The following ST6GALNAC3 variants were observed in gnomAD, a reference collection of about 807,000 sequenced individuals.
The protein encoded by ST6GALNAC3 is ST6 N-acetylgalactosaminide alpha-2,6-sialyltransferase 3.
In ST6GALNAC3, 25 loss-of-function variants were observed where a neutral mutation model predicts 32.7. The observed-to-expected ratio is 0.76, with a 90% confidence interval of 0.56 to 1.07. The LOEUF (loss-of-function observed/expected upper bound fraction) is 1.07, where lower values mean the gene tolerates loss of function less well. Ranked by LOEUF, ST6GALNAC3 falls within the 50% of genes least tolerant of loss-of-function variation. The pLI is 0.00. For synonymous variants in ST6GALNAC3, 129 were observed against 133.1 expected (o/e 0.97, Z 0.21); for missense variants, 355 against 382.4 (o/e 0.93, Z 0.60).
At chr1:76,296,260 T>C (rs1032872376) in intron 1 of ST6GALNAC3, among the ~76,000 whole-genome samples, 2 of 152,082 alleles carry the variant, frequency 1.3e-5, no homozygotes, top group Admixed American at 6.6e-5. Flanking sequence ...CAAAGCAAAC[T>C]TCTTGGGAAG....
intron 3 of ST6GALNAC3, among the ~76,000 whole-genome samples, chr1:76,556,827 T>G (rs1570257034): frequency 6.6e-6 from 1 of 152,162 alleles, no homozygotes; most frequent in African/African-American, 2.4e-5. Flanking sequence ...GGCTATCTTT[T>G]CACTTTCTTG....
chr1:76,522,498 C>T (rs1662608788), intron 3 of ST6GALNAC3, among the ~76,000 whole-genome samples: 2 of 151,988 alleles, frequency 1.3e-5, no homozygotes, highest in Non-Finnish European at 2.9e-5. Flanking sequence ...CCACTTGGGT[C>T]TTTTCTATTG....
chr1:76,279,648 C>T (rs527297037), intron 1 of ST6GALNAC3, among the ~76,000 whole-genome samples: 2 of 152,270 alleles, frequency 1.3e-5, no homozygotes, highest in South Asian at 4.1e-4. Flanking sequence ...GGAGTCGTGT[C>T]TGCCGGCAGC....
At chr1:76,123,405 A>G (rs376548748) in intron 1 of ST6GALNAC3, among the ~76,000 whole-genome samples, 2 of 150,754 alleles carry the variant, frequency 1.3e-5, no homozygotes, top group Admixed American at 6.6e-5. Flanking sequence ...AAGCTTTGCT[A>G]TAGGGAAAGT....
At chr1:76,167,913 T>C (rs1338738028) in intron 1 of ST6GALNAC3, among the ~76,000 whole-genome samples, 7 of 151,866 alleles carry the variant, frequency 4.6e-5, no homozygotes, top group Non-Finnish European at 1.0e-4. Flanking sequence ...GTATGTCTGT[T>C]TTATTAATTT....
intron 1 of ST6GALNAC3, among the ~76,000 whole-genome samples, chr1:76,232,789 G>T (rs1188865718): frequency 1.3e-5 from 2 of 152,220 alleles, no homozygotes; most frequent in Non-Finnish European, 2.9e-5. Flanking sequence ...CTTGACTTGA[G>T]CGTTAAAGCG....
chr1:76,142,192 T>A (rs959320419), intron 1 of ST6GALNAC3, among the ~76,000 whole-genome samples: 1 of 152,112 alleles, frequency 6.6e-6, no homozygotes, highest in Non-Finnish European at 1.5e-5. Context: ...CCATCTTTGT[T>A]AGGGCAGCAG....
intron 3 of ST6GALNAC3, among the ~76,000 whole-genome samples, chr1:76,556,101 T>C (rs960826141): frequency 7.2e-5 from 11 of 152,236 alleles, no homozygotes; most frequent in African/African-American, 2.6e-4. Context: ...CTATTCCGGA[T>C]ACTCCATACA....
chr1:76,262,027 C>G (rs1658268716), intron 1 of ST6GALNAC3, among the ~76,000 whole-genome samples: 1 of 152,176 alleles, frequency 6.6e-6, no homozygotes, highest in African/African-American at 2.4e-5. Context: ...CTCACCCTTT[C>G]ATTTGCCGAA....
At chr1:76,622,101 C>T (rs973143583) in intron 3 of ST6GALNAC3, among the ~76,000 whole-genome samples, 16 of 151,850 alleles carry the variant, frequency 1.1e-4, no homozygotes, top group African/African-American at 3.9e-4. Flanking sequence ...GCTTTGAGTG[C>T]CTGAGGCTTG....
At chr1:76,541,287 A>C (rs950817573) in intron 3 of ST6GALNAC3, among the ~76,000 whole-genome samples, 8 of 152,062 alleles carry the variant, frequency 5.3e-5, no homozygotes, top group Non-Finnish European at 1.2e-4. Flanking sequence ...GGAGTATGGA[A>C]CGTGGATCCA....
chr1:76,156,781 G>A (rs903830561), intron 1 of ST6GALNAC3, among the ~76,000 whole-genome samples: 1 of 152,194 alleles, frequency 6.6e-6, no homozygotes, highest in Non-Finnish European at 1.5e-5. Flanking sequence ...GCCCAGGCTG[G>A]AGTACAGTGG....
intron 1 of ST6GALNAC3, among the ~76,000 whole-genome samples, chr1:76,110,649 G>A (rs405932): frequency 6.6e-6 from 1 of 152,228 alleles, no homozygotes. Flanking sequence ...AAAGGAGCAG[G>A]CTGTGTAGAC....
intron 1 of ST6GALNAC3, among the ~76,000 whole-genome samples, chr1:76,250,565 G>A (rs750416503): frequency 6.6e-6 from 1 of 152,166 alleles, no homozygotes; most frequent in Non-Finnish European, 1.5e-5. Flanking sequence ...ATTTGCAGAG[G>A]TGAAAGAGAA....
At chr1:76,493,373 A>G (rs1232757803) in intron 3 of ST6GALNAC3, among the ~76,000 whole-genome samples, 1 of 152,216 alleles carries the variant, frequency 6.6e-6, no homozygotes, top group Non-Finnish European at 1.5e-5. Context: ...AGAGGATACT[A>G]GAAGTAGAAA....
chr1:76,232,923 C>T (rs746953017), intron 1 of ST6GALNAC3, among the ~76,000 whole-genome samples: 2 of 152,154 alleles, frequency 1.3e-5, no homozygotes, highest in Non-Finnish European at 2.9e-5. Context: ...GAAGTTGGAG[C>T]AACTCCTGGC....
chr1:76,357,369 C>T (rs1435341992), intron 2 of ST6GALNAC3, among the ~76,000 whole-genome samples: 1 of 152,114 alleles, frequency 6.6e-6, no homozygotes. Context: ...CTCCTGACCC[C>T]AGGTGATCAA....
chr1:76,552,994 G>T (rs556114678), intron 3 of ST6GALNAC3, among the ~76,000 whole-genome samples: 101 of 152,234 alleles, frequency 6.6e-4, no homozygotes, highest in African/African-American at 2.1e-3. Context: ...GTTTATCATG[G>T]ATTATCTATT....
intron 1 of ST6GALNAC3, among the ~76,000 whole-genome samples, chr1:76,246,828 C>T (rs2100684892): frequency 6.6e-6 from 1 of 152,218 alleles, no homozygotes; most frequent in Admixed American, 6.5e-5. Flanking sequence ...CATTCTTTGT[C>T]CAGTTTTGTA....
Sources: gnomAD v4.1 joint callset for allele counts (sites outside exome capture counted in the v4.1 genomes callset) on GRCh38, gnomAD v4.1.1 for gene constraint, MANE v1.5 for transcripts, NCBI Gene and HGNC (gene_info 2026-07-23, HGNC 2026-07-21) for gene names.